The following ZBTB46 variants were observed in gnomAD, a reference collection of about 807,000 sequenced individuals.
ZBTB46 encodes zinc finger and BTB domain containing 46, also known as zinc finger and BTB domain-containing protein 46.
Under a neutral mutation model 44.1 loss-of-function variants are expected in ZBTB46, and 8 were observed. The ratio of observed to expected loss-of-function variants is 0.18; its 90% CI spans 0.11 to 0.33. ZBTB46 has a LOEUF of 0.33. ZBTB46 is among the 10% of genes least tolerant of loss of function. The pLI is 1.00. For synonymous variants in ZBTB46, 409 were observed against 382.3 expected (o/e 1.07, Z -0.81); for missense variants, 651 against 847.7 (o/e 0.77, Z 2.88).
At position 63,801,761 on chromosome 20, in the gene ZBTB46, C is replaced by T. The variant is rs77803630; in HGVS notation, c.-33-10971G>A. Among the ~76,000 whole-genome samples, 9 of 152,224 alleles carry T rather than the reference C, an allele frequency of 5.9e-5. No homozygotes were observed. In the East Asian group the frequency reaches 1.5e-3, roughly 26 times the overall value. ...CGCCTTTAAGAACTGTAACACTCAC[C>T]GCGAGAGTCCATGGCTTCATTCTTG... On this transcript the variant is annotated intron_variant, in intron 1 of 4. Transcript: ENST00000245663.
In ZBTB46 at chr20:63,784,110, G is replaced by C. The variant is rs903117297; in HGVS notation, c.937+5711C>G. ...CCCAACCTTCGTGGAGAGAAAGAGG[G>C]AACACCAGAAGGGGACACAGCCACG... On this transcript the variant is annotated intron_variant, in intron 2 of 4. Coordinates refer to ENST00000245663, the MANE Select transcript of ZBTB46 (RefSeq NM_001369741.1). 2.0e-5 allele frequency among the ~76,000 whole-genome samples: 3 copies of C among 152,324 alleles called. No individual in the cohort carries two copies. The East Asian group carries it at 5.8e-4, about 29-fold the overall frequency.
chr20:63,827,660 G>A (rs987371935), intron 1 of ZBTB46, among the ~76,000 whole-genome samples: 6 of 150,316 alleles, frequency 4.0e-5, no homozygotes, highest in South Asian at 2.1e-4. Context: ...ATCTGCAAAT[G>A]CTTTTGAAAA....
chr20:63,761,277 G>A (rs142666773), intron 3 of ZBTB46, among the ~76,000 whole-genome samples: 1 of 152,072 alleles, frequency 6.6e-6, no homozygotes, highest in African/African-American at 2.4e-5. Flanking sequence ...GGGATTACAG[G>A]CATGAGCCAC....
rs193061156 is a variant in ZBTB46, at chr20:63,812,255, A to G, written c.-34+18842T>C. On this transcript the variant is annotated intron_variant, in intron 1 of 4. Transcript: ENST00000245663. ...CCAGGCAAGGAGGCTCAGGCCTGTG[A>G]TCCCAGCACTTTGGGAGGCTGAGGC... is the stretch of plus-strand genomic sequence containing the variant. Among the ~76,000 whole-genome samples the G allele has an allele frequency of 2.9e-3, 447 of 152,360 alleles. 4 individuals are homozygous for G. The highest frequency in any genetic ancestry group is 9.5e-3 in the African/African-American group (397 of 41,586).
intron 1 of ZBTB46, among the ~76,000 whole-genome samples, chr20:63,797,867 A>G (rs1353172255): frequency 6.6e-6 from 1 of 152,056 alleles, no homozygotes; most frequent in Non-Finnish European, 1.5e-5. Flanking sequence ...TTTTTCTTGT[A>G]AAGTTGTTTA....
chr20:63,797,494 T>G (rs1040318129), intron 1 of ZBTB46, among the ~76,000 whole-genome samples: 1 of 152,180 alleles, frequency 6.6e-6, no homozygotes, highest in Non-Finnish European at 1.5e-5. Flanking sequence ...GCAACATGAT[T>G]TATAATCCTT....
upstream of ZBTB46, among the ~76,000 whole-genome samples, chr20:63,831,483 G>A (rs1054502733): frequency 7.5e-5 from 11 of 146,030 alleles, no homozygotes; most frequent in East Asian, 2.0e-3. Context: ...GTCGCAGGGG[G>A]CCGCGCCGGG....
In ZBTB46 at chr20:63,767,065, G is replaced by T. The variant is rs79567409; in HGVS notation, c.1222+8613C>A. ...TGACATTGAACCTAACACGTCCGAC[G>T]AGGACGGGCAAGGGCACCGCGGGGC... On this transcript the variant is annotated intron_variant, in intron 3 of 4. Transcript: ENST00000245663. The surrounding 1 kb of genome is among the most constrained non-coding windows in gnomAD (Gnocchi z 5.0). Among the ~76,000 whole-genome samples the T allele has an allele frequency of 1.4e-4, 21 of 152,356 alleles. No homozygotes were observed. The highest frequency in any genetic ancestry group is 5.0e-4 in the African/African-American group (21 of 41,592).
chr20:63,816,858 A>G (rs966454133), intron 1 of ZBTB46, among the ~76,000 whole-genome samples: 2 of 152,090 alleles, frequency 1.3e-5, no homozygotes, highest in African/African-American at 4.8e-5. Flanking sequence ...TAATCCCAGC[A>G]CTTTGGAAGG....
At chr20:63,764,461 A>G (rs909307828) in intron 3 of ZBTB46, among the ~76,000 whole-genome samples, 2 of 151,772 alleles carry the variant, frequency 1.3e-5, no homozygotes, top group Non-Finnish European at 2.9e-5. Flanking sequence ...TGTGATGAAT[A>G]TTTTTGTTGG....
chr20:63,749,423 G>A (rs544548050), intron 4 of ZBTB46, among the ~76,000 whole-genome samples: 1 of 152,232 alleles, frequency 6.6e-6, no homozygotes, highest in South Asian at 2.1e-4. Flanking sequence ...TGCCAGCTCC[G>A]CCTCCCGGGT....
At chr20:63,763,696 A>G (rs1460999263) in intron 3 of ZBTB46, among the ~76,000 whole-genome samples, 1 of 152,222 alleles carries the variant, frequency 6.6e-6, no homozygotes. Flanking sequence ...GTGGGGACAG[A>G]GATCCAAACT....
intron 3 of ZBTB46, among the ~76,000 whole-genome samples, chr20:63,760,746 C>T (rs1363731774): frequency 4.6e-5 from 7 of 151,352 alleles, no homozygotes; most frequent in Middle Eastern, 3.4e-3. Context: ...CGTGAGCCAC[C>T]GCGCCAGGCC....
At chr20:63,818,060 GCT>G (rs1166684253) in intron 1 of ZBTB46, among the ~76,000 whole-genome samples, 1 of 152,224 alleles carries the variant, frequency 6.6e-6, no homozygotes, top group East Asian at 1.9e-4. Context: ...ACGGCACCAC[GCT>G]CTGAGTGGTG....
intron 1 of ZBTB46, among the ~76,000 whole-genome samples, chr20:63,810,411 C>T (rs2092710948): frequency 2.0e-5 from 3 of 152,176 alleles, no homozygotes; most frequent in African/African-American, 7.2e-5. Context: ...AGCTCACACA[C>T]ACCGACCACA....
At chr20:63,807,332 G>A (rs1455032530) in intron 1 of ZBTB46, among the ~76,000 whole-genome samples, 4 of 151,850 alleles carry the variant, frequency 2.6e-5, no homozygotes, top group Non-Finnish European at 5.9e-5. Flanking sequence ...ATTTGTTATA[G>A]GTCTATTCAG....
At chr20:63,780,446 A>G (rs2092459783) in intron 2 of ZBTB46, among the ~76,000 whole-genome samples, 1 of 152,118 alleles carries the variant, frequency 6.6e-6, no homozygotes, top group African/African-American at 2.4e-5. Context: ...AAAAAAACCA[A>G]CTTGAATCAT....
At position 63,747,109 on chromosome 20, in the gene ZBTB46, C is replaced by T. The variant is rs751427133; in HGVS notation, c.1591G>A (p.Asp531Asn). The stretch of plus-strand genomic sequence containing the variant: ...TCAGGGTCCTCCAGATAGGGCCCGT[C>T]GCCTGGGAACAGCGCCTCTGGAGAG... ...EGSPEALFPG[D>N]GPYLEDPEDP... The change falls in exon 5 of 5, where the codon GAC becomes AAC. Residue 531 changes from aspartate to asparagine, a missense_variant. Asp to Asn is a conservative substitution (Grantham distance 23). Around this residue, in one of 5 missense-constraint regions of ZBTB46, gnomAD observed 75 missense variants for 107.8 expected, o/e 0.70. Transcript: ENST00000245663. The T allele has an allele frequency of 2.9e-5, 46 of 1,609,962 alleles. No homozygotes were observed. The highest frequency in any genetic ancestry group is 5.5e-5 in the South Asian group (5 of 91,036).
Position 63,752,994 on chromosome 20 carries a change from T to A in ZBTB46, c.1223-133A>T. The stretch of plus-strand genomic sequence containing the variant: ...CCCACGGCCACCCACTGGGGGCTGG[T>A]CAGCACTGCGACAGGCCAGGCTCCC... On this transcript the variant is annotated intron_variant, in intron 3 of 4. Transcript: ENST00000245663. This position sits in a 1 kb window ranked among gnomAD's most constrained non-coding sequence, Gnocchi z 5.6. The A allele has an allele frequency of 1.1e-6, 1 of 951,210 alleles. No homozygotes were observed. The highest frequency in any genetic ancestry group is 2.7e-5 in the East Asian group (1 of 36,484). 58.9% of individuals were successfully genotyped at this position (951,210 alleles called of 1,614,324 possible).
Sources: gnomAD v4.1 joint callset for allele counts (sites outside exome capture counted in the v4.1 genomes callset) on GRCh38, gnomAD v4.1.1 for gene constraint, gnomAD v4.1.1 regional missense constraint, Gnocchi (gnomAD v3.1) non-coding constraint, MANE v1.5 for transcripts, NCBI Gene and HGNC (gene_info 2026-07-23, HGNC 2026-07-21) for gene names.